SETD7: variants seen among roughly 807,000 people sequenced by gnomAD.
SETD7 encodes histone-lysine N-methyltransferase SETD7.
A neutral mutation model predicts 41.8 loss-of-function variants in SETD7; 16 were observed. The observed-to-expected ratio is 0.38, with a 90% CI of 0.26 to 0.58. The LOEUF (loss-of-function observed/expected upper bound fraction) is 0.58. Ranked by LOEUF, SETD7 falls within the 20% of genes least tolerant of loss-of-function variation. The pLI is 0.64. For synonymous variants in SETD7, 163 were observed against 169.7 expected (o/e 0.96, Z 0.31); for missense variants, 346 against 459.7 (o/e 0.75, Z 2.26).
downstream of SETD7, among the ~76,000 whole-genome samples, chr4:139,502,985 C>A (rs929288267): frequency 8.6e-5 from 13 of 151,872 alleles, no homozygotes; most frequent in Non-Finnish European, 2.9e-5. Flanking sequence ...GAGTTCGAGA[C>A]CAGACTGGGC....
chr4:139,529,747 T>C (rs1727430057), intron 3 of SETD7, among the ~76,000 whole-genome samples: 1 of 152,224 alleles, frequency 6.6e-6, no homozygotes, highest in Non-Finnish European at 1.5e-5. Context: ...ATTAATTTAG[T>C]GTACACAAGT....
At chr4:139,496,851 A>G (rs1726465263) in intron 7 of SETD7, among the ~76,000 whole-genome samples, 1 of 152,116 alleles carries the variant, frequency 6.6e-6, no homozygotes, top group African/African-American at 2.4e-5. Flanking sequence ...TGTAAATCGT[A>G]CTTAGATAAG....
chr4:139,501,161 T>G (rs1726567631), downstream of SETD7, among the ~76,000 whole-genome samples: 2 of 152,172 alleles, frequency 1.3e-5, no homozygotes, highest in Non-Finnish European at 2.9e-5. Flanking sequence ...TTGCTTCTTA[T>G]CCGTTTCCCT....
chr4:139,498,116 C>T (rs189860115), intron 7 of SETD7, among the ~76,000 whole-genome samples: 244 of 152,278 alleles, frequency 1.6e-3, no homozygotes, highest in African/African-American at 4.8e-3. Flanking sequence ...TCAAAAACTG[C>T]GGAGTTCATC....
intron 2 of SETD7, among the ~76,000 whole-genome samples, chr4:139,544,788 C>A (rs1454314785): frequency 8.4e-6 from 1 of 118,860 alleles, no homozygotes; most frequent in Non-Finnish European, 1.8e-5. Context: ...ATCAAACTAC[C>A]AGATTTAAAG....
intron 3 of SETD7, 49 bp from the exon 4 acceptor site, chr4:139,529,269 GGA>G: frequency 1.4e-6 from 2 of 1,474,992 alleles, no homozygotes; most frequent in Non-Finnish European, 1.8e-6. Context: ...AGTATGTCTA[GGA>G]CATGAGTCCC....
chr4:139,505,531 G>A (rs59861902), downstream of SETD7, among the ~76,000 whole-genome samples: 19,871 of 152,042 alleles, frequency 0.13, 1,429 homozygotes, highest in South Asian at 0.17. Flanking sequence ...GGAGGCTGCA[G>A]TGAGCCAAGA....
rs1012479429 is a variant in SETD7, at chr4:139,510,409, A to T, written c.*1254T>A. On this transcript the variant is annotated 3_prime_UTR_variant, in exon 8 of 8. Transcript: ENST00000274031. ...ATCTAATTAGCTAAACTAAAAAAAC[A>T]GGGGTTTTCTCCTTATTTCTGCAGT... 8.5e-5 allele frequency: 13 copies of T among 152,234 alleles called. No individual in the cohort carries two copies. The highest frequency in any genetic ancestry group is 3.1e-4 in the African/African-American group (13 of 41,464). 9.4% of individuals were successfully genotyped at this position (152,234 alleles called of 1,614,324 possible). A position where few individuals can be genotyped will look rare whatever the true frequency, so the allele number is the denominator to read the frequency against.
chr4:139,536,750 T>C (rs1727649877), intron 2 of SETD7, among the ~76,000 whole-genome samples: 1 of 149,158 alleles, frequency 6.7e-6, no homozygotes, highest in Non-Finnish European at 1.5e-5. Context: ...ATGCCTGTAA[T>C]CCCAGCCCTT....
Position 139,507,108 on chromosome 4 carries a change from G to A in SETD7, c.*4555C>T, listed in dbSNP as rs1203194585. On this transcript the variant is annotated 3_prime_UTR_variant, in exon 8 of 8. Transcript: ENST00000274031. ...CCACTGAGGGCAGCCTCCCTGACGT[G>A]TGTGACTAGGCAGTAAGGGTGGCGG... 2 of 152,844 alleles carry A rather than the reference G, an allele frequency of 1.3e-5. No homozygotes were observed. The highest frequency in any genetic ancestry group is 1.9e-4 in the East Asian group (1 of 5,182). The allele number at this position is 152,844 out of a possible 1,614,324, so 9.5% of individuals were successfully genotyped here.
chr4:139,501,701 A>G (rs1162560541), downstream of SETD7, among the ~76,000 whole-genome samples: 2 of 152,356 alleles, frequency 1.3e-5, no homozygotes, highest in African/African-American at 2.4e-5. Context: ...GTGCACATCC[A>G]GGAAGATATG....
intron 1 of SETD7, among the ~76,000 whole-genome samples, chr4:139,551,772 G>A (rs577731853): frequency 8.5e-5 from 13 of 152,240 alleles, no homozygotes; most frequent in Non-Finnish European, 1.3e-4. Flanking sequence ...TGTAATCCCA[G>A]CACTTTGGGA....
intron 2 of SETD7, 107 bp from the exon 3 acceptor site, chr4:139,533,473 C>G: frequency 1.0e-6 from 1 of 952,514 alleles, no homozygotes; most frequent in Non-Finnish European, 1.6e-6. Flanking sequence ...TCAGCCCTGA[C>G]ATGGATTCAG....
chr4:139,547,382 A>G (rs1874617), intron 1 of SETD7, among the ~76,000 whole-genome samples: 38,235 of 152,048 alleles, frequency 0.25, 5,042 homozygotes, highest in East Asian at 0.47. Context: ...GCATGTCACA[A>G]TTTACCAAGT....
Position 139,533,309 on chromosome 4 carries a change from G to A in SETD7, c.228C>T (p.Tyr76=), listed in dbSNP as rs750141590. Residue 76 remains tyrosine, a synonymous_variant, in exon 3 of 8, where the codon TAC becomes TAT. Transcript: ENST00000274031. ...TGCCCTGGAGAACTCCCCCATCTTC[G>A]TAAGTGTAAACTCCCTGGCCCTGCA... ...DALQGQGVYT[Y]EDGGVLQGTY... is the part of the protein sequence containing the mutation. 12 of 1,613,962 alleles carry A rather than the reference G, an allele frequency of 7.4e-6. No individual in the cohort carries two copies. The South Asian group carries it at 9.9e-5, about 13-fold the overall frequency.
At chr4:139,550,174 C>T (rs913275981) in intron 1 of SETD7, among the ~76,000 whole-genome samples, 1 of 152,188 alleles carries the variant, frequency 6.6e-6, no homozygotes, top group Non-Finnish European at 1.5e-5. Flanking sequence ...CCACACCTGG[C>T]CTCAGTGCCT....
At chr4:139,527,547 A>T (rs575476824) in intron 4 of SETD7, among the ~76,000 whole-genome samples, 1 of 152,266 alleles carries the variant, frequency 6.6e-6, no homozygotes, top group South Asian at 2.1e-4. Context: ...AACAGAGTGA[A>T]ATCCTGTCCC....
intron 7 of SETD7, among the ~76,000 whole-genome samples, chr4:139,512,658 T>C (rs1197465200): frequency 6.6e-6 from 1 of 152,050 alleles, no homozygotes; most frequent in Non-Finnish European, 1.5e-5. Flanking sequence ...CTGAAATGGA[T>C]ACATGTAAGG....
Position 139,556,184 on chromosome 4 carries a change from G to C in SETD7, c.-47C>G. 1 of 1,561,838 alleles carries C rather than the reference G, an allele frequency of 6.4e-7. No individual in the cohort carries two copies. Among genetic ancestry groups the C allele is most frequent in the Non-Finnish European group, 8.7e-7 (1 of 1,153,728 alleles). Reference sequence around the variant, plus strand: ...GCTCGGGGCTGCGCGGCTGCCTCCCGTCCCTCTGGGTGCTCCCGGCGGCTG... The same window carrying C: ...GCTCGGGGCTGCGCGGCTGCCTCCCCTCCCTCTGGGTGCTCCCGGCGGCTG... On this transcript the variant is annotated 5_prime_UTR_variant, in exon 1 of 8. Transcript: ENST00000274031.
Sources: gnomAD v4.1 joint callset for allele counts (sites outside exome capture counted in the v4.1 genomes callset) on GRCh38, gnomAD v4.1.1 for gene constraint, MANE v1.5 for transcripts, NCBI Gene and HGNC (gene_info 2026-07-23, HGNC 2026-07-21) for gene names.